Variants in DOCK5 observed in about 807,000 individuals in gnomAD.
The protein encoded by DOCK5 is dedicator of cytokinesis protein 5.
Under a neutral mutation model 251.8 loss-of-function variants are expected in DOCK5, and 142 were observed. The observed-to-expected ratio is 0.56, with a 90% CI of 0.49 to 0.65. The LOEUF is 0.65. Ranked by LOEUF, DOCK5 falls within the 30% of genes least tolerant of loss-of-function variation. The probability of loss-of-function intolerance (pLI) is 0.00; values close to 1 mark genes in which losing one functional copy is unlikely to be tolerated. For synonymous variants in DOCK5, 842 were observed against 835.5 expected, an observed-to-expected ratio of 1.01 and a Z score of -0.13; for missense variants, 2,111 against 2,312.3, an observed-to-expected ratio of 0.91 and a Z score of 1.79.
At chr8:25,303,683 G>A (rs1317904118) in intron 10 of DOCK5, among the ~76,000 whole-genome samples, 1 of 152,062 alleles carries the variant, frequency 6.6e-6, no homozygotes, top group South Asian at 2.1e-4. Context: ...CAACTCGGGC[G>A]GGGCACGATG....
At chr8:25,306,671 G>A (rs1804944085) in intron 11 of DOCK5, among the ~76,000 whole-genome samples, 1 of 151,574 alleles carries the variant, frequency 6.6e-6, no homozygotes, top group African/African-American at 2.4e-5. Flanking sequence ...TCCAGCCTCG[G>A]CGACAGAGCG....
At chr8:25,310,595 C>A (rs1586317594) in intron 13 of DOCK5, 63 bp downstream of exon 13, 1 of 1,501,222 alleles carries the variant, frequency 6.7e-7, no homozygotes, top group South Asian at 1.4e-5. Context: ...TCTTATTGGA[C>A]GGTGGAGGCA....
chr8:25,319,725 G>C, intron 15 of DOCK5, 49 bp downstream of exon 15: 1 of 1,359,788 alleles, frequency 7.4e-7, no homozygotes, highest in Non-Finnish European at 1.0e-6. Context: ...ACCTCAGTTA[G>C]ATTCCTATCT....
rs147247262 is a variant in DOCK5 at position 25,400,973 on chromosome 8, C to G, written c.4833C>G (p.Leu1611=). The change falls in exon 47 of 52, where the codon CTC becomes CTG. Residue 1611 remains leucine, a synonymous_variant. Transcript: ENST00000276440. ...TEGIRIHGEK[L]TEQLKPLHER... The stretch of plus-strand genomic sequence containing the variant: ...GGATCCGCATCCATGGGGAGAAACT[C>G]ACAGAGCAGCTGAAGCCGCTGCATG... The G allele has an allele frequency of 5.6e-5, 91 of 1,614,028 alleles. No individual in the cohort carries two copies. In the African/African-American group the frequency reaches 9.6e-4, roughly 17 times the overall value.
intron 40 of DOCK5, among the ~76,000 whole-genome samples, chr8:25,387,292 C>T (rs1801182525): frequency 6.6e-6 from 1 of 151,820 alleles, no homozygotes; most frequent in Non-Finnish European, 1.5e-5. Flanking sequence ...GGCAATCCTG[C>T]CTCAGCCTCC....
chr8:25,378,103 T>C (rs555215734), intron 38 of DOCK5, among the ~76,000 whole-genome samples: 1 of 152,270 alleles, frequency 6.6e-6, no homozygotes, highest in Admixed American at 6.5e-5. Flanking sequence ...ACTTGATCTT[T>C]AGCCTTCCTT....
At chr8:25,210,043 TGTGTG>T (rs1802090304) in intron 1 of DOCK5, among the ~76,000 whole-genome samples, 3 of 25,208 alleles carry the variant, frequency 1.2e-4, no homozygotes, top group African/African-American at 4.2e-4. Context: ...TAAATGTGTG[TGTGTG>T]TGTGTGTGTG....
At chr8:25,213,364 CAAAAA>C (rs34974024) in intron 1 of DOCK5, among the ~76,000 whole-genome samples, 1 of 74,620 alleles carries the variant, frequency 1.3e-5, no homozygotes, top group Admixed American at 1.6e-4. Context: ...ATGAATGTAG[CAAAAA>C]AAAAAAAAAA....
chr8:25,316,899 A>G (rs1805265789), intron 13 of DOCK5, 108 bp from the exon 14 acceptor site: 1 of 1,413,930 alleles, frequency 7.1e-7, no homozygotes, highest in Non-Finnish European at 9.6e-7. Context: ...GTAGTTCAGT[A>G]TAAAACCAGA....
intron 2 of DOCK5, among the ~76,000 whole-genome samples, chr8:25,265,758 C>T (rs1460005250): frequency 6.6e-6 from 1 of 151,816 alleles, no homozygotes; most frequent in Non-Finnish European, 1.5e-5. Context: ...ATCTGTTGGA[C>T]AGAAAGTGTG....
intron 34 of DOCK5, among the ~76,000 whole-genome samples, chr8:25,371,410 G>GCAC (rs1244077685): frequency 3.3e-5 from 5 of 152,114 alleles, no homozygotes. Flanking sequence ...GGAGATTGCA[G>GCAC]TGAACTGAGA....
chr8:25,388,958 A>T, intron 40 of DOCK5, 133 bp from the exon 41 acceptor site: 1 of 811,280 alleles, frequency 1.2e-6, no homozygotes, highest in Non-Finnish European at 1.9e-6. Context: ...CAAGGACTAG[A>T]TTTTCAGTGA....
intron 1 of DOCK5, among the ~76,000 whole-genome samples, chr8:25,228,799 A>C (rs1216910718): frequency 6.6e-6 from 1 of 152,040 alleles, no homozygotes; most frequent in Admixed American, 6.6e-5. Context: ...TTTTCTAAAA[A>C]CCTTTTTTAT....
chr8:25,285,305 C>T (rs778467552), intron 5 of DOCK5, among the ~76,000 whole-genome samples: 1 of 152,138 alleles, frequency 6.6e-6, no homozygotes, highest in Non-Finnish European at 1.5e-5. Flanking sequence ...ATCACCACGC[C>T]TGGCTAATTT....
chr8:25,245,907 C>CT (rs941310850), intron 2 of DOCK5, among the ~76,000 whole-genome samples: 1 of 151,996 alleles, frequency 6.6e-6, no homozygotes, highest in Admixed American at 6.6e-5. Context: ...TATATGCTAA[C>CT]TTTTTTTTCC....
chr8:25,273,217 T>C (rs1168856734), intron 3 of DOCK5, among the ~76,000 whole-genome samples: 1 of 152,168 alleles, frequency 6.6e-6, no homozygotes, highest in Non-Finnish European at 1.5e-5. Context: ...AACACCCTCC[T>C]TTCTCATTGC....
chr8:25,340,710 G>A (rs112536873), intron 22 of DOCK5, among the ~76,000 whole-genome samples, 167 bp from the exon 23 acceptor site: 3,281 of 152,250 alleles, frequency 0.022, 115 homozygotes, highest in African/African-American at 0.073. Flanking sequence ...CGGGTTGAGC[G>A]GCTTCTCTAA....
In DOCK5 at chr8:25,351,898, G is replaced by A. The variant is rs547910587; in HGVS notation, c.2850+72G>A. 6.4e-6 allele frequency: 8 copies of A among 1,244,760 alleles called. No individual in the cohort carries two copies. In the Middle Eastern group the frequency reaches 5.7e-4, roughly 88 times the overall value. 77.1% of individuals were successfully genotyped at this position (1,244,760 alleles called of 1,614,324 possible). On this transcript the variant is annotated intron_variant, in intron 27 of 51. Coordinates refer to ENST00000276440, the MANE Select transcript of DOCK5 (RefSeq NM_024940.8). ...CCCCTTTGCCTATCGGGAGGCCTTC[G>A]GGGCCAGTGGCTTGAGACTATTCTT...
rs1480466240 is a variant in DOCK5 at position 25,280,840 on chromosome 8, AT to A, written c.321+2177del. Among the ~76,000 whole-genome samples the A allele has an allele frequency of 5.9e-5, 9 of 152,242 alleles. No individual in the cohort carries two copies. In the East Asian group the frequency reaches 1.2e-3, roughly 20 times the overall value. ...AGTACTCTCTGGTTCTGGTTTATTG[AT>A]TAGTTAGTTGGGTGGATGTAACAAG... On this transcript the variant is annotated intron_variant, in intron 5 of 51. Coordinates refer to ENST00000276440, the MANE Select transcript of DOCK5 (RefSeq NM_024940.8).
Sources: gnomAD v4.1 joint callset for allele counts (sites outside exome capture counted in the v4.1 genomes callset) on GRCh38, gnomAD v4.1.1 for gene constraint, MANE v1.5 for transcripts, NCBI Gene and HGNC (gene_info 2026-07-23, HGNC 2026-07-21) for gene names.